PDZD2: variants seen among roughly 807,000 people sequenced by gnomAD.
The protein encoded by PDZD2 is PDZ domain-containing protein 2.
A neutral mutation model predicts 220.7 loss-of-function variants in PDZD2; 90 were observed. The ratio of observed to expected loss-of-function variants is 0.41; its 90% CI spans 0.34 to 0.49. The LOEUF is 0.49. PDZD2 is among the 20% of genes least tolerant of loss of function. The probability of loss-of-function intolerance (pLI) is 0.28; values close to 1 mark genes in which losing one functional copy is unlikely to be tolerated. For missense variants in PDZD2, 3,174 were observed against 3,608.5 expected (o/e 0.88, Z 3.08); for synonymous variants, 1,375 against 1,450.5 (o/e 0.95, Z 1.18).
At chr5:31,746,628 C>T (rs1258149336) in intron 1 of PDZD2, among the ~76,000 whole-genome samples, 1 of 152,132 alleles carries the variant, frequency 6.6e-6, no homozygotes, top group Admixed American at 6.5e-5. Context: ...CAAACAAGTA[C>T]CTATGACACT....
At chr5:32,004,410 A>G (rs1255402856) in intron 5 of PDZD2, among the ~76,000 whole-genome samples, 1 of 152,100 alleles carries the variant, frequency 6.6e-6, no homozygotes, top group Non-Finnish European at 1.5e-5. Flanking sequence ...AAATAGTGAG[A>G]CCTCTTCTCT....
At chr5:31,725,691 T>C (rs1749080351) in intron 1 of PDZD2, 1 of 939,684 alleles carries the variant, frequency 1.1e-6, no homozygotes, top group Non-Finnish European at 1.8e-6. Flanking sequence ...AATCTGTTTT[T>C]AGAGATGCCT....
intron 1 of PDZD2, among the ~76,000 whole-genome samples, chr5:31,762,434 T>C (rs1751706123): frequency 6.6e-6 from 1 of 152,212 alleles, no homozygotes; most frequent in South Asian, 2.1e-4. Flanking sequence ...ATTACAGGCA[T>C]GAGCCACCAC....
At chr5:32,029,331 A>T (rs1224658527) in intron 6 of PDZD2, among the ~76,000 whole-genome samples, 1 of 96,784 alleles carries the variant, frequency 1.0e-5, no homozygotes, top group African/African-American at 4.6e-5. Flanking sequence ...AAGAACTGTA[A>T]AAAAAAAAAA....
At chr5:31,795,989 C>T (rs902232141) in intron 1 of PDZD2, among the ~76,000 whole-genome samples, 2 of 152,054 alleles carry the variant, frequency 1.3e-5, no homozygotes, top group Non-Finnish European at 2.9e-5. Flanking sequence ...CCTGTCCATC[C>T]CTCCCACCCT....
rs925283794 is a variant in PDZD2, at chr5:31,817,712, G to A, written c.476+17988G>A. Among the ~76,000 whole-genome samples the A allele has an allele frequency of 3.9e-5, 6 of 152,004 alleles. No individual in the cohort carries two copies. In the East Asian group the frequency reaches 1.2e-3, roughly 29 times the overall value. On this transcript the variant is annotated intron_variant, in intron 2 of 24. Transcript: ENST00000438447. Reference sequence around the variant, plus strand: ...AGAGTCTCACTGTCTCACCCAGGCTGGAATGCAGTGGTGCAATCTCGGCTC... The same window carrying A: ...AGAGTCTCACTGTCTCACCCAGGCTAGAATGCAGTGGTGCAATCTCGGCTC...
At chr5:31,791,624 A>G (rs1753736789) in intron 1 of PDZD2, among the ~76,000 whole-genome samples, 1 of 150,490 alleles carries the variant, frequency 6.6e-6, no homozygotes, top group Non-Finnish European at 1.5e-5. Flanking sequence ...AGGTTAAAAA[A>G]GAAAAAGCAC....
chr5:31,747,336 G>GA (rs2150173029), intron 1 of PDZD2, among the ~76,000 whole-genome samples: 1 of 152,324 alleles, frequency 6.6e-6, no homozygotes, highest in African/African-American at 2.4e-5. Flanking sequence ...TCTAATGGTA[G>GA]GAAATGGAGC....
Position 31,831,749 on chromosome 5 carries a change from A to G in PDZD2, c.476+32025A>G, listed in dbSNP as rs1353965762. On this transcript the variant is annotated intron_variant, in intron 2 of 24. Transcript: ENST00000438447. ...GCGACAGAGCAAGACTCCATCTCAG[A>G]AAAAAAAAAAAAAAATTAGCTGGGC... Among the ~76,000 whole-genome samples the G allele has an allele frequency of 3.6e-5, 5 of 137,594 alleles. No individual in the cohort carries two copies. The South Asian group carries it at 7.0e-4, about 19-fold the overall frequency. 90.3% of individuals were successfully genotyped at this position (137,594 alleles called of 152,430 possible).
chr5:31,641,545 A>ATTTTTTTTT (rs546221558), intron 1 of PDZD2, among the ~76,000 whole-genome samples: 1 of 142,638 alleles, frequency 7.0e-6, no homozygotes, highest in African/African-American at 2.9e-5. Context: ...GATGTGTGAG[A>ATTTTTTTTT]TATTTTTTTT....
rs1405959094 is a variant in PDZD2 at position 31,821,631 on chromosome 5, G to A, written c.476+21907G>A. Among the ~76,000 whole-genome samples the A allele has an allele frequency of 6.6e-5, 10 of 152,154 alleles. 1 individual carries two copies. Among genetic ancestry groups the A allele is most frequent in the Admixed American group, 3.3e-4 (5 of 15,270 alleles). The stretch of plus-strand genomic sequence containing the variant: ...TTTGACCTCGTGATCTACCCGCCTC[G>A]GCCTCCCAAAGTGCTGGGGTTACAG... On this transcript the variant is annotated intron_variant, in intron 2 of 24. Transcript: ENST00000438447.
At chr5:31,914,259 C>T (rs116335851) in intron 2 of PDZD2, among the ~76,000 whole-genome samples, 6,796 of 152,286 alleles carry the variant, frequency 0.045, 219 homozygotes, top group Non-Finnish European at 0.067. Context: ...TGGCCGGGCG[C>T]GGTGGCTCAC....
At chr5:31,664,103 T>C (rs1383314751) in intron 1 of PDZD2, among the ~76,000 whole-genome samples, 1 of 152,222 alleles carries the variant, frequency 6.6e-6, no homozygotes, top group African/African-American at 2.4e-5. Flanking sequence ...AAGTAAATAT[T>C]ACCTAGCCTG....
At chr5:31,825,252 T>C (rs4867386) in intron 2 of PDZD2, among the ~76,000 whole-genome samples, 110,159 of 152,040 alleles carry the variant, frequency 0.72, 40,866 homozygotes, top group Non-Finnish European at 0.8. Flanking sequence ...CCAGAAAGAG[T>C]CAGAGCCACA....
intron 2 of PDZD2, among the ~76,000 whole-genome samples, chr5:31,854,384 A>C (rs1758241733): frequency 6.6e-6 from 1 of 152,186 alleles, no homozygotes; most frequent in African/African-American, 2.4e-5. Context: ...GAAATGCTTC[A>C]GTCGTGCAGT....
At chr5:32,003,991 C>T (rs192037597) in intron 5 of PDZD2, among the ~76,000 whole-genome samples, 2 of 152,192 alleles carry the variant, frequency 1.3e-5, no homozygotes, top group East Asian at 3.9e-4. Context: ...GGATTGCAGG[C>T]ATGAGCCACT....
In PDZD2 at chr5:32,108,156, C is replaced by T. The variant is rs541572487; in HGVS notation, c.*21C>T. ...CATGAATTTTAACAAGAATCATTTT[C>T]TCAGTTCTCTTCTTTCTTTAGCAAA... On this transcript the variant is annotated 3_prime_UTR_variant, in exon 25 of 25. Coordinates refer to ENST00000438447, the MANE Select transcript of PDZD2 (RefSeq NM_178140.4). 1 of 1,541,546 alleles carries T rather than the reference C, an allele frequency of 6.5e-7. No homozygotes were observed. Among genetic ancestry groups the T allele is most frequent in the East Asian group, 2.3e-5 (1 of 44,118 alleles).
chr5:31,991,363 T>C (rs760017471), intron 3 of PDZD2, among the ~76,000 whole-genome samples: 1 of 152,182 alleles, frequency 6.6e-6, no homozygotes, highest in Non-Finnish European at 1.5e-5. Flanking sequence ...TCGGTGGATC[T>C]GGCATCTATT....
At chr5:31,728,151 T>C (rs537067601) in intron 1 of PDZD2, among the ~76,000 whole-genome samples, 1 of 152,204 alleles carries the variant, frequency 6.6e-6, no homozygotes, top group African/African-American at 2.4e-5. Flanking sequence ...GGTGATTCTT[T>C]GTTTGGCTGG....
Sources: allele counts gnomAD v4.1 joint callset (sites outside exome capture counted in the v4.1 genomes callset), GRCh38; gene constraint gnomAD v4.1.1; transcripts MANE v1.5; gene names NCBI Gene and HGNC (gene_info 2026-07-23, HGNC 2026-07-21).